The following TIAM1 variants were observed in gnomAD, a reference collection of about 807,000 sequenced individuals.
TIAM1 encodes rho guanine nucleotide exchange factor TIAM1.
In TIAM1, 65 loss-of-function variants were observed where a neutral mutation model predicts 163.5. The ratio of observed to expected loss-of-function variants is 0.40; its 90% CI spans 0.33 to 0.49. The LOEUF is 0.49. TIAM1 is among the 20% of genes least tolerant of loss of function. The pLI is 0.77. For synonymous variants in TIAM1, 833 were observed against 810.1 expected (o/e 1.03, Z -0.48); for missense variants, 1,789 against 2,044.7 (o/e 0.87, Z 2.41).
rs775627717 is a variant in TIAM1 at position 31,124,717 on chromosome 21, T to C, written c.4134-23A>G. ...GAGCTAGGAAAAGAAGATTTACAGA[T>C]GTTAGAGAATCAGGGCTTAACACAT... On this transcript the variant is annotated intron_variant, in intron 26 of 27. Transcript: ENST00000541036. The C allele has an allele frequency of 1.9e-6, 3 of 1,539,764 alleles. No individual in the cohort carries two copies. In the African/African-American group the frequency reaches 4.1e-5, roughly 21 times the overall value.
chr21:31,217,650 A>G lies in TIAM1; in HGVS notation c.2045T>C (p.Met682Thr), dbSNP rs1279582739. The change falls in exon 9 of 28, where the codon ATG becomes ACG. Residue 682 changes from methionine to threonine, a missense_variant. By Grantham distance (81) the Met-to-Thr change is moderately conservative. This residue lies in a region of TIAM1 where 456 missense variants were observed against 586.6 expected (regional missense o/e 0.78). Transcript: ENST00000541036. ...ETGVRRRTQA[M>T]SRSASKRRSR... ...CCTTCGCTTGCTCGCGGATCTGGAC[A>G]TGGCCTGAGTACGTCTTCTCACTCC... 5.6e-6 allele frequency: 9 copies of G among 1,613,920 alleles called. No individual in the cohort carries two copies. In the Admixed American group the frequency reaches 1.0e-4, roughly 18 times the overall value.
intron 2 of TIAM1, among the ~76,000 whole-genome samples, chr21:31,378,976 T>C (rs1262902149): frequency 6.6e-6 from 1 of 152,176 alleles, no homozygotes; most frequent in Non-Finnish European, 1.5e-5. Flanking sequence ...TTGTTTTATT[T>C]TGTTTTTTCA....
intron 3 of TIAM1, among the ~76,000 whole-genome samples, chr21:31,273,012 A>G (rs1475202872): frequency 6.6e-6 from 1 of 152,240 alleles, no homozygotes; most frequent in Non-Finnish European, 1.5e-5. Context: ...TAAACCAACT[A>G]AGGCCTATCT....
chr21:31,282,015 A>C (rs2073591864), intron 2 of TIAM1, among the ~76,000 whole-genome samples: 1 of 152,372 alleles, frequency 6.6e-6, no homozygotes, highest in South Asian at 2.1e-4. Context: ...TTCTAAGGAT[A>C]CACAATTTAA....
At chr21:31,246,883 A>T (rs1245191916) in intron 5 of TIAM1, among the ~76,000 whole-genome samples, 1 of 152,010 alleles carries the variant, frequency 6.6e-6, no homozygotes, top group African/African-American at 2.4e-5. Flanking sequence ...ACAAGTCCTT[A>T]TTGCACGGTG....
At chr21:31,341,436 T>G (rs527545225) in intron 1 of TIAM1, among the ~76,000 whole-genome samples, 14 of 152,344 alleles carry the variant, frequency 9.2e-5, no homozygotes, top group Non-Finnish European at 1.9e-4. Context: ...GCATTAAATA[T>G]GAACCAAAAT....
At chr21:31,264,632 CACAG>C in intron 4 of TIAM1, among the ~76,000 whole-genome samples, 1 of 152,200 alleles carries the variant, frequency 6.6e-6, no homozygotes. Flanking sequence ...CAGGCAGGAA[CACAG>C]ACAGTCTAAT....
intron 1 of TIAM1, among the ~76,000 whole-genome samples, chr21:31,515,782 C>T (rs560432421): frequency 6.6e-6 from 1 of 152,230 alleles, no homozygotes; most frequent in East Asian, 1.9e-4. Flanking sequence ...TATGTGGCTC[C>T]TGTTCATGAC....
chr21:31,517,848 C>A (rs929191105), intron 1 of TIAM1, among the ~76,000 whole-genome samples: 6 of 152,128 alleles, frequency 3.9e-5, no homozygotes, highest in African/African-American at 1.4e-4. Context: ...ACAAACAAAC[C>A]TTGTTAAACT....
At chr21:31,387,929 G>A (rs1320543296) in intron 2 of TIAM1, among the ~76,000 whole-genome samples, 2 of 152,054 alleles carry the variant, frequency 1.3e-5, no homozygotes, top group African/African-American at 2.4e-5. Flanking sequence ...CAGGCTGCCC[G>A]AGCACGACTT....
chr21:31,169,080 G>T (rs530983900), intron 15 of TIAM1, among the ~76,000 whole-genome samples: 6 of 152,232 alleles, frequency 3.9e-5, no homozygotes, highest in African/African-American at 1.4e-4. Context: ...GATCATCTGA[G>T]GTCAGGAGTT....
intron 15 of TIAM1, among the ~76,000 whole-genome samples, chr21:31,175,611 T>C (rs2084723462): frequency 6.6e-6 from 1 of 152,218 alleles, no homozygotes; most frequent in Non-Finnish European, 1.5e-5. Context: ...TAAAACTTTT[T>C]TTTTTGAGAC....
intron 15 of TIAM1, among the ~76,000 whole-genome samples, chr21:31,167,687 G>A (rs937470176): frequency 3.9e-5 from 6 of 152,078 alleles, no homozygotes; most frequent in African/African-American, 1.4e-4. Context: ...ACAGAATTGT[G>A]CACTTCGTAG....
intron 2 of TIAM1, among the ~76,000 whole-genome samples, chr21:31,313,768 G>A (rs777651561): frequency 8.5e-5 from 13 of 152,234 alleles, no homozygotes; most frequent in South Asian, 2.1e-4. Flanking sequence ...GTAGAGACGC[G>A]GTTTCACCAT....
intron 2 of TIAM1, among the ~76,000 whole-genome samples, chr21:31,334,426 T>G (rs1188082542): frequency 2.0e-5 from 3 of 152,106 alleles, no homozygotes; most frequent in Non-Finnish European, 4.4e-5. Flanking sequence ...CGATGGGATT[T>G]TATGCAGGAA....
intron 4 of TIAM1, among the ~76,000 whole-genome samples, chr21:31,256,673 G>T (rs2072128386): frequency 6.8e-6 from 1 of 147,332 alleles, no homozygotes; most frequent in Non-Finnish European, 1.5e-5. Context: ...GGTATTCTCA[G>T]TATACTCTCC....
chr21:31,508,367 A>G (rs1464838194), intron 1 of TIAM1, among the ~76,000 whole-genome samples: 1 of 149,402 alleles, frequency 6.7e-6, no homozygotes, highest in Admixed American at 6.7e-5. Context: ...ATAAAGAACT[A>G]GGTTTTCATA....
intron 2 of TIAM1, among the ~76,000 whole-genome samples, chr21:31,312,716 G>T (rs189919853): frequency 6.6e-6 from 1 of 152,118 alleles, no homozygotes. Context: ...CCAAGTTCTC[G>T]AAAGTAGCTG....
At chr21:31,237,430 C>A (rs1277444839) in intron 6 of TIAM1, among the ~76,000 whole-genome samples, 1 of 152,184 alleles carries the variant, frequency 6.6e-6, no homozygotes, top group African/African-American at 2.4e-5. Context: ...ACAGTGAAGC[C>A]ACACTTAATT....
Sources: allele counts gnomAD v4.1 joint callset (sites outside exome capture counted in the v4.1 genomes callset), GRCh38; gene constraint gnomAD v4.1.1; regional missense constraint gnomAD v4.1.1; transcripts MANE v1.5; gene names NCBI Gene and HGNC (gene_info 2026-07-23, HGNC 2026-07-21).